The following TH variants were observed in gnomAD, a reference collection of about 807,000 sequenced individuals.
The protein encoded by TH is tyrosine 3-monooxygenase.
A neutral mutation model predicts 57.4 loss-of-function variants in TH; 49 were observed. The ratio of observed to expected loss-of-function variants is 0.85; its 90% CI spans 0.68 to 1.08. The LOEUF is 1.08. Ranked by LOEUF, TH falls within the 50% of genes least tolerant of loss-of-function variation. The probability of loss-of-function intolerance (pLI) is 0.00; values close to 1 mark genes in which losing one functional copy is unlikely to be tolerated. For synonymous variants in TH, 330 were observed against 304.5 expected, an observed-to-expected ratio of 1.08 and a Z score of -0.87; for missense variants, 720 against 696.7, an observed-to-expected ratio of 1.03 and a Z score of -0.38.
Position 2,171,783 on chromosome 11 carries a change from G to A in TH, c.4C>T (p.Pro2Ser). 1 of 1,611,278 alleles carries A rather than the reference G, an allele frequency of 6.2e-7. No homozygotes were observed. Among genetic ancestry groups the A allele is most frequent in the Non-Finnish European group, 8.5e-7 (1 of 1,179,700 alleles). Reference protein sequence around the residue: MPTPDATTPQAK... With the variant: MSTPDATTPQAK... ...TGTGGCGTGGTGGCGTCGGGGGTGG[G>A]CATGGCTCAGTGTGGAGGTCCGGGC... Residue 2 changes from proline to serine, a missense_variant, in exon 1 of 13, where the codon CCC becomes TCC. Physicochemically the swap from Pro to Ser is moderately conservative, Grantham distance 74. Coordinates refer to ENST00000352909, the MANE Select transcript of TH (RefSeq NM_000360.4). This position sits in a 1 kb window ranked among gnomAD's most constrained non-coding sequence, Gnocchi z 8.6.
In TH at chr11:2,171,276, G is replaced by A. The variant is rs1009228880; in HGVS notation, c.90+421C>T. On this transcript the variant is annotated intron_variant, in intron 1 of 12. Coordinates refer to ENST00000352909, the MANE Select transcript of TH (RefSeq NM_000360.4). The surrounding 1 kb of genome is among the most constrained non-coding windows in gnomAD (Gnocchi z 8.6). The stretch of plus-strand genomic sequence containing the variant: ...CCCAAGCAGGCAGGCTGGTTGGGGT[G>A]CTGACTAGGGCAGCTGGGGCAGAGG... Among the ~76,000 whole-genome samples, 5 of 152,022 alleles carry A rather than the reference G, an allele frequency of 3.3e-5. No homozygotes were observed. Among genetic ancestry groups the A allele is most frequent in the African/African-American group, 1.2e-4 (5 of 41,372 alleles).
rs1395773491 is a variant in TH at position 2,167,500 on chromosome 11, A to G, written c.645-15T>C. ...TCGGGTCGCCGCTGGGGAGGGGGCC[A>G]GTGGTCAGCAGGTCCCCTCGGGGAG... is the stretch of plus-strand genomic sequence containing the variant. On this transcript the variant is annotated splice_polypyrimidine_tract_variant and intron_variant, in intron 5 of 12. Coordinates refer to ENST00000352909, the MANE Select transcript of TH (RefSeq NM_000360.4). The G allele has an allele frequency of 6.4e-7, 1 of 1,554,740 alleles. No homozygotes were observed. The highest frequency in any genetic ancestry group is 1.4e-5 in the African/African-American group (1 of 73,578).
At chr11:2,168,828 A>G in intron 2 of TH, 163 bp from the exon 3 acceptor site, 1 of 917,894 alleles carries the variant, frequency 1.1e-6, no homozygotes, top group Non-Finnish European at 1.7e-6. Context: ...GGCTCAGGTC[A>G]GCTGTCGGCC....
At chr11:2,168,707 G>A (rs1213839295) in intron 2 of TH, 42 bp from the exon 3 acceptor site, 8 of 796,760 alleles carry the variant, frequency 1.0e-5, no homozygotes, top group African/African-American at 2.0e-5. Flanking sequence ...AGGAGAAAGA[G>A]ACAGAGATGG....
At position 2,166,475 on chromosome 11, in the gene TH, C is replaced by T. The variant is rs781551173; in HGVS notation, c.1047+5G>A. The T allele has an allele frequency of 3.8e-6, 6 of 1,579,214 alleles. No homozygotes were observed. The highest frequency in any genetic ancestry group is 1.1e-5 in the South Asian group (1 of 87,316). On this transcript the variant is annotated splice_donor_5th_base_variant and intron_variant, in intron 9 of 12. Transcript: ENST00000352909. Reference sequence around the variant, plus strand: ...ACCCCGGCTCCCTCCGAGGCCGCGGCGTACCTGCGAGAACTGCGCGAAGGT... The same window carrying T: ...ACCCCGGCTCCCTCCGAGGCCGCGGTGTACCTGCGAGAACTGCGCGAAGGT...
Position 2,170,860 on chromosome 11 carries a change from A to T in TH, c.90+837T>A, listed in dbSNP as rs1846234992. Reference sequence around the variant, plus strand: ...GGGAGGGCGCCCTGTGTCCCTGAGAAGGTACCTGGAAATGACACTGCTACA... The same window carrying T: ...GGGAGGGCGCCCTGTGTCCCTGAGATGGTACCTGGAAATGACACTGCTACA... On this transcript the variant is annotated intron_variant, in intron 1 of 12. Coordinates refer to ENST00000352909, the MANE Select transcript of TH (RefSeq NM_000360.4). The surrounding 1 kb of genome is among the most constrained non-coding windows in gnomAD (Gnocchi z 6.0). 1 of 652,488 alleles carries T rather than the reference A, an allele frequency of 1.5e-6. No homozygotes were observed. Among genetic ancestry groups the T allele is most frequent in the African/African-American group, 1.8e-5 (1 of 54,860 alleles). 40.4% of individuals were successfully genotyped at this position (652,488 alleles called of 1,614,324 possible).
At chr11:2,165,185 C>G in intron 12 of TH, 47 bp downstream of exon 12, 1 of 1,612,302 alleles carries the variant, frequency 6.2e-7, no homozygotes, top group Non-Finnish European at 8.5e-7. Context: ...CCTGGCTGGC[C>G]CAGTTTGGGG....
At position 2,165,229 on chromosome 11, in the gene TH, C is replaced by T; in HGVS notation, c.1334+3G>A. The T allele has an allele frequency of 1.2e-6, 2 of 1,612,866 alleles. No homozygotes were observed. Among genetic ancestry groups the T allele is most frequent in the Non-Finnish European group, 1.7e-6 (2 of 1,179,972 alleles). On this transcript the variant is annotated splice_donor_region_variant and intron_variant, in intron 12 of 12. Coordinates refer to ENST00000352909, the MANE Select transcript of TH (RefSeq NM_000360.4). ...GGGGGCTTGCCCTAGCAGCCTAGCC[C>T]ACCTGAGCTTGTCCTTGGCGTCACT...
At chr11:2,167,393 C>T in intron 6 of TH, 42 bp downstream of exon 6, 9 of 1,550,276 alleles carry the variant, frequency 5.8e-6, no homozygotes, top group Non-Finnish European at 7.9e-6. Flanking sequence ...AGGAGGCATC[C>T]CCCGGGCTCC....
At chr11:2,165,144 G>A in intron 12 of TH, 88 bp downstream of exon 12, 1 of 1,600,078 alleles carries the variant, frequency 6.2e-7, no homozygotes, top group Non-Finnish European at 8.5e-7. Flanking sequence ...TGGGCTCACA[G>A]GTCCAGCCCT....
At chr11:2,164,788 T>C (rs1312107107) in intron 12 of TH, among the ~76,000 whole-genome samples, 1 of 152,092 alleles carries the variant, frequency 6.6e-6, no homozygotes. Context: ...AGACCTTTTA[T>C]GAGGATGAGG....
rs1846228773 is a variant in TH at position 2,170,693 on chromosome 11, TG to T, written c.91-823del. On this transcript the variant is annotated intron_variant, in intron 1 of 12. Transcript: ENST00000352909. The surrounding 1 kb of genome is among the most constrained non-coding windows in gnomAD (Gnocchi z 6.0). ...CCCAGAGTCCCCTCTTACTTACCCT[TG>T]GGGTGGGGGTGTAGGATGCAGCTGG... The T allele has an allele frequency of 6.2e-7, 1 of 1,603,572 alleles. No individual in the cohort carries two copies. Among genetic ancestry groups the T allele is most frequent in the African/African-American group, 1.3e-5 (1 of 74,378 alleles).
intron 12 of TH, 78 bp from the exon 13 acceptor site, chr11:2,164,470 C>CG: frequency 1.3e-6 from 2 of 1,499,862 alleles, no homozygotes; most frequent in Non-Finnish European, 1.8e-6. Context: ...GGCCAGGGGC[C>CG]GCGTTTCCAC....
chr11:2,164,347 G>A lies in TH; in HGVS notation c.1380C>T (p.Asp460=), dbSNP rs748364426. The change falls in exon 13 of 13, where the codon GAC becomes GAT. Residue 460 remains aspartate, a synonymous_variant. Coordinates refer to ENST00000352909, the MANE Select transcript of TH (RefSeq NM_000360.4). ...GCACGTCGATGGCCAGCGTGTACGG[G>A]TCGAACTTCACGGAGAAGGGGCGCT... ...RIQRPFSVKF[D]PYTLAIDVLD... is the part of the protein sequence containing the mutation. 1 of 1,549,124 alleles carries A rather than the reference G, an allele frequency of 6.5e-7. No individual in the cohort carries two copies. The highest frequency in any genetic ancestry group is 1.2e-5 in the South Asian group (1 of 83,520).
chr11:2,166,815 C>A, intron 7 of TH, 47 bp from the exon 8 acceptor site: 1 of 1,552,822 alleles, frequency 6.4e-7, no homozygotes, highest in Admixed American at 1.9e-5. Context: ...CGGGCTGGAG[C>A]CGCGCTGGGG....
chr11:2,166,818 C>G (rs924488435), intron 7 of TH, 50 bp from the exon 8 acceptor site: 1 of 1,555,324 alleles, frequency 6.4e-7, no homozygotes, highest in African/African-American at 1.4e-5. Context: ...GCTGGAGCCG[C>G]GCTGGGGTGG....
rs11564717 is a variant in TH, at chr11:2,165,659, G to A, written c.1200+9C>T. The A allele has an allele frequency of 0.014, 22,797 of 1,612,402 alleles. 208 individuals carry two copies. Among genetic ancestry groups the A allele is most frequent in the Non-Finnish European group, 0.018 (20,702 of 1,179,696 alleles). On this transcript the variant is annotated intron_variant, in intron 11 of 12. Coordinates refer to ENST00000352909, the MANE Select transcript of TH (RefSeq NM_000360.4). ...TCTGCTGGGGGCTGCAGCAAGGAGA[G>A]ACTCTCACCAGGAGCTCCCCGTAGG... is the stretch of plus-strand genomic sequence containing the variant.
intron 12 of TH, 94 bp from the exon 13 acceptor site, chr11:2,164,486 C>T: frequency 1.4e-6 from 2 of 1,426,256 alleles, no homozygotes; most frequent in Non-Finnish European, 1.9e-6. Context: ...TCCACCTTCA[C>T]AGTGGCTCAG....
In TH at chr11:2,171,601, G is replaced by A; in HGVS notation, c.90+96C>T. The stretch of plus-strand genomic sequence containing the variant: ...AGGGGTTTGCATGGACCCTGAGCCT[G>A]GGGCTGCCAGCCAGGCTGGGGAGTA... On this transcript the variant is annotated intron_variant, in intron 1 of 12. Transcript: ENST00000352909. The surrounding 1 kb of genome is among the most constrained non-coding windows in gnomAD (Gnocchi z 8.6). 1 of 1,394,914 alleles carries A rather than the reference G, an allele frequency of 7.2e-7. No individual in the cohort carries two copies. The highest frequency in any genetic ancestry group is 1.0e-6 in the Non-Finnish European group (1 of 1,002,448). 86.4% of individuals were successfully genotyped at this position (1,394,914 alleles called of 1,614,324 possible).
Sources: allele counts gnomAD v4.1 joint callset (sites outside exome capture counted in the v4.1 genomes callset), GRCh38; gene constraint gnomAD v4.1.1; non-coding constraint Gnocchi (gnomAD v3.1); transcripts MANE v1.5; gene names NCBI Gene and HGNC (gene_info 2026-07-23, HGNC 2026-07-21).